Variants in DIP2A observed in about 807,000 individuals in gnomAD.
DIP2A encodes the protein DIP2 acetate--CoA ligase A, also known as disco-interacting protein 2 homolog A.
A neutral mutation model predicts 177.4 loss-of-function variants in DIP2A; 85 were observed. The observed-to-expected ratio is 0.48, with a 90% CI of 0.40 to 0.57. The LOEUF (loss-of-function observed/expected upper bound fraction) is 0.57, where lower values mean the gene tolerates loss of function less well. Among genes scored for constraint, DIP2A ranks in the 20% least tolerant of loss-of-function variants. The pLI is 0.00. For synonymous variants in DIP2A, 886 were observed against 881.8 expected (o/e 1.00, Z -0.08); for missense variants, 1,791 against 2,100.2 (o/e 0.85, Z 2.88).
At chr21:46,481,507 T>G (rs1006424310) in intron 1 of DIP2A, among the ~76,000 whole-genome samples, 1 of 152,232 alleles carries the variant, frequency 6.6e-6, no homozygotes, top group African/African-American at 2.4e-5. Context: ...TGGTGAGTGT[T>G]TGCTTTACTG....
At chr21:46,499,886 A>G (rs2057557410) in intron 5 of DIP2A, among the ~76,000 whole-genome samples, 1 of 152,214 alleles carries the variant, frequency 6.6e-6, no homozygotes, top group South Asian at 2.1e-4. Flanking sequence ...TGGTGAAGCC[A>G]GGGCTGATAC....
At position 46,557,838 on chromosome 21, in the gene DIP2A, C is replaced by A; in HGVS notation, c.3798+85C>A. 6.8e-7 allele frequency: 1 copy of A among 1,467,986 alleles called. No homozygotes were observed. The highest frequency in any genetic ancestry group is 2.4e-5 in the East Asian group (1 of 41,462). The allele number at this position is 1,467,986 out of a possible 1,614,324, so 90.9% of individuals were successfully genotyped here. On this transcript the variant is annotated intron_variant, in intron 31 of 37. Transcript: ENST00000417564. This position sits in a 1 kb window ranked among gnomAD's most constrained non-coding sequence, Gnocchi z 6.0. ...AAACAACAAAACAAAACAAGACTCC[C>A]AAGGCCCCTCCCTGCAGTTGGAGGA...
chr21:46,525,218 T>C (rs565733534), intron 8 of DIP2A, among the ~76,000 whole-genome samples: 7 of 152,256 alleles, frequency 4.6e-5, no homozygotes, highest in Admixed American at 1.3e-4. Flanking sequence ...CTTTAAGTAC[T>C]GTTTCCCTTG....
At chr21:46,507,851 C>T (rs538754548) in intron 6 of DIP2A, among the ~76,000 whole-genome samples, 24 of 151,846 alleles carry the variant, frequency 1.6e-4, no homozygotes, top group Admixed American at 9.2e-4. Context: ...CAGGCAACTG[C>T]CACCACACTT....
chr21:46,560,581 G>T, intron 32 of DIP2A, 141 bp from the exon 33 acceptor site: 1 of 1,090,952 alleles, frequency 9.2e-7, no homozygotes. Flanking sequence ...ACCCCTAGGC[G>T]GACTCACTGC....
At chr21:46,471,229 C>T (rs984128123) in intron 1 of DIP2A, among the ~76,000 whole-genome samples, 5 of 152,108 alleles carry the variant, frequency 3.3e-5, no homozygotes, top group African/African-American at 1.2e-4. Context: ...CAGAGTCTCA[C>T]CACGTTGCCC....
In DIP2A at chr21:46,560,802, C is replaced by G; in HGVS notation, c.4031+19C>G. ...ATGACAGGTAATGCTCCCAGCCTGCCTGGGCCCCATGGATACCCAGTGGCA... is the reference window on the plus strand; with the variant it reads ...ATGACAGGTAATGCTCCCAGCCTGCGTGGGCCCCATGGATACCCAGTGGCA... On this transcript the variant is annotated intron_variant, in intron 33 of 37. Coordinates refer to ENST00000417564, the MANE Select transcript of DIP2A (RefSeq NM_015151.4). 1.3e-6 allele frequency: 2 copies of G among 1,596,476 alleles called. No homozygotes were observed. Among genetic ancestry groups the G allele is most frequent in the Non-Finnish European group, 1.7e-6 (2 of 1,171,852 alleles).
chr21:46,511,345 T>C (rs2058302362), intron 7 of DIP2A, 72 bp from the exon 8 acceptor site: 3 of 1,431,206 alleles, frequency 2.1e-6, no homozygotes, highest in Non-Finnish European at 2.8e-6. Flanking sequence ...TTATAAACTA[T>C]GAATGCTTAA....
At chr21:46,493,366 C>T (rs1314971345) in intron 3 of DIP2A, among the ~76,000 whole-genome samples, 1 of 151,296 alleles carries the variant, frequency 6.6e-6, no homozygotes, top group African/African-American at 2.4e-5. Flanking sequence ...AGGGGAATCA[C>T]AGTAACTTCC....
chr21:46,509,182 C>T (rs2058182545), intron 6 of DIP2A, 75 bp from the exon 7 acceptor site: 2 of 1,498,988 alleles, frequency 1.3e-6, no homozygotes, highest in Non-Finnish European at 1.8e-6. Context: ...TGTGGTTTGT[C>T]CTTGGACCTT....
chr21:46,480,830 C>CG (rs965116878), intron 1 of DIP2A, among the ~76,000 whole-genome samples: 8 of 152,176 alleles, frequency 5.3e-5, no homozygotes, highest in African/African-American at 1.9e-4. Context: ...TGGAACCTGC[C>CG]GGGCCCTTGG....
chr21:46,459,359 C>T (rs1372929315), intron 1 of DIP2A, 137 bp downstream of exon 1: 4 of 666,842 alleles, frequency 6.0e-6, no homozygotes, highest in South Asian at 2.2e-5. Flanking sequence ...CACGCGGCCT[C>T]GCCCCTGGGA....
chr21:46,553,671 G>A (rs896417318), intron 25 of DIP2A: 37 of 154,398 alleles, frequency 2.4e-4, no homozygotes, highest in Admixed American at 9.5e-4. Context: ...TTTGCTTATC[G>A]CTTATTATGT....
intron 35 of DIP2A, among the ~76,000 whole-genome samples, chr21:46,564,917 AC>A (rs1306188804): frequency 6.6e-6 from 1 of 152,264 alleles, no homozygotes; most frequent in African/African-American, 2.4e-5. Flanking sequence ...TCAAGGGTGT[AC>A]CCCCAAGAAA....
At chr21:46,501,301 T>A (rs2057634873) in intron 5 of DIP2A, among the ~76,000 whole-genome samples, 1 of 152,220 alleles carries the variant, frequency 6.6e-6, no homozygotes, top group African/African-American at 2.4e-5. Context: ...AAGCCTTTTT[T>A]ATACAAATGT....
In DIP2A at chr21:46,569,389, A is replaced by G. The variant is rs1044336712; in HGVS notation, c.*1767A>G. The G allele has an allele frequency of 1.2e-4, 18 of 151,832 alleles. No homozygotes were observed. The highest frequency in any genetic ancestry group is 3.6e-4 in the African/African-American group (15 of 41,318). 9.4% of individuals were successfully genotyped at this position (151,832 alleles called of 1,614,324 possible). A position where few individuals can be genotyped will look rare whatever the true frequency, so the allele number is the denominator to read the frequency against. On this transcript the variant is annotated 3_prime_UTR_variant, in exon 38 of 38. Coordinates refer to ENST00000417564, the MANE Select transcript of DIP2A (RefSeq NM_015151.4). Reference sequence around the variant, plus strand: ...GAATTCTAATAATCCTGTTGTAAGTATGTACAGAATCTATGTAACTTATTG... The same window carrying G: ...GAATTCTAATAATCCTGTTGTAAGTGTGTACAGAATCTATGTAACTTATTG...
At chr21:46,528,048 AG>A (rs2059179272) in intron 8 of DIP2A, among the ~76,000 whole-genome samples, 1 of 152,084 alleles carries the variant, frequency 6.6e-6, no homozygotes, top group African/African-American at 2.4e-5. Context: ...GAAGGACCTC[AG>A]GGGATAAGAG....
At chr21:46,580,380 G>C in the DIP2A span, among the ~76,000 whole-genome samples, 2 of 151,988 alleles carry the variant, frequency 1.3e-5, no homozygotes, top group Non-Finnish European at 2.9e-5. Context: ...CACACTGATG[G>C]GTCTTAACTG....
chr21:46,552,058 G>A (rs561626522), intron 25 of DIP2A, among the ~76,000 whole-genome samples, 154 bp downstream of exon 25: 13 of 151,952 alleles, frequency 8.6e-5, no homozygotes, highest in Non-Finnish European at 1.3e-4. Context: ...GTTCTCATGC[G>A]TAGAGAGCAG....
Sources: gnomAD v4.1 joint callset for allele counts (sites outside exome capture counted in the v4.1 genomes callset) on GRCh38, gnomAD v4.1.1 for gene constraint, Gnocchi (gnomAD v3.1) non-coding constraint, MANE v1.5 for transcripts, NCBI Gene and HGNC (gene_info 2026-07-23, HGNC 2026-07-21) for gene names.